FER: variants seen among roughly 807,000 people sequenced by gnomAD.
FER encodes FER tyrosine kinase.
FER carries 63 observed loss-of-function variants against 111.0 expected under a neutral mutation model. The observed-to-expected ratio is 0.57, with a 90% CI of 0.46 to 0.70. The LOEUF is 0.70. FER is among the 30% of genes least tolerant of loss of function. FER has a pLI of 0.00. For missense variants in FER, 914 were observed against 954.0 expected (o/e 0.96, Z 0.55); for synonymous variants, 327 against 313.9 (o/e 1.04, Z -0.44).
chr5:109,097,922 G>A (rs990236305), intron 16 of FER, among the ~76,000 whole-genome samples: 3 of 151,760 alleles, frequency 2.0e-5, no homozygotes, highest in Non-Finnish European at 4.4e-5. Context: ...CTTGTGGAAT[G>A]GTGGAATTGT....
chr5:108,753,955 T>C (rs1473028676), intron 1 of FER, among the ~76,000 whole-genome samples: 2 of 152,182 alleles, frequency 1.3e-5, no homozygotes, highest in East Asian at 3.8e-4. Flanking sequence ...GTACAAGATA[T>C]TTACATGTAT....
intron 9 of FER, among the ~76,000 whole-genome samples, chr5:108,894,122 A>T (rs373746775): frequency 5.3e-5 from 8 of 152,026 alleles, no homozygotes; most frequent in African/African-American, 1.9e-4. Flanking sequence ...GGTGCTGGGG[A>T]CTGGAAGGCT....
chr5:109,137,160 A>C (rs541729452), intron 17 of FER, among the ~76,000 whole-genome samples: 1 of 152,178 alleles, frequency 6.6e-6, no homozygotes, highest in East Asian at 1.9e-4. Context: ...GGAAAGGGGG[A>C]GATGAAGGAA....
intron 13 of FER, among the ~76,000 whole-genome samples, chr5:108,975,052 C>T (rs1761153672): frequency 6.6e-6 from 1 of 152,078 alleles, no homozygotes; most frequent in South Asian, 2.1e-4. Flanking sequence ...CACATATATA[C>T]CATGGAATAC....
rs1765992983 is a variant in FER, at chr5:109,009,688, A to G, written c.1657-27734A>G. 5.9e-5 allele frequency among the ~76,000 whole-genome samples: 9 copies of G among 152,210 alleles called. 1 individual carries two copies. Among genetic ancestry groups the G allele is most frequent in the Admixed American group, 5.2e-4 (8 of 15,288 alleles). On this transcript the variant is annotated intron_variant, in intron 13 of 19. Transcript: ENST00000281092. ...TGTATAAGCCACCACCCAAAAATAT[A>G]GTGTCTTAAAAAATAATGTTTTATG...
intron 13 of FER, among the ~76,000 whole-genome samples, chr5:108,992,991 A>G (rs1338473396): frequency 7.2e-6 from 1 of 139,382 alleles, no homozygotes; most frequent in Admixed American, 7.1e-5. Context: ...GGCGGCCGGG[A>G]AGAGGCGCTC....
chr5:108,992,753 C>G (rs1279804133), intron 13 of FER, among the ~76,000 whole-genome samples: 3 of 151,240 alleles, frequency 2.0e-5, no homozygotes, highest in Non-Finnish European at 4.4e-5. Flanking sequence ...GGGGTGGCTG[C>G]CGGGCGGAGG....
At position 109,059,360 on chromosome 5, in the gene FER, T is replaced by TA. The variant is rs569822598; in HGVS notation, c.1924+12180dup. Among the ~76,000 whole-genome samples, 904 of 136,298 alleles carry TA rather than the reference T, an allele frequency of 6.6e-3. 3 individuals are homozygous for TA. Among genetic ancestry groups the TA allele is most frequent in the African/African-American group, 0.011 (422 of 37,694 alleles). 89.4% of individuals were successfully genotyped at this position (136,298 alleles called of 152,430 possible). On this transcript the variant is annotated intron_variant, in intron 16 of 19. Coordinates refer to ENST00000281092, the MANE Select transcript of FER (RefSeq NM_005246.4). ...CAACATGGTGAAACCCTGCCTCTACTAAAAAAAAAAAAAAAAAATTAGCTG... is the reference window on the plus strand; with the variant it reads ...CAACATGGTGAAACCCTGCCTCTACTAAAAAAAAAAAAAAAAAAATTAGCTG...
chr5:108,918,597 C>G (rs1752584237), intron 10 of FER, among the ~76,000 whole-genome samples: 1 of 151,856 alleles, frequency 6.6e-6, no homozygotes, highest in African/African-American at 2.4e-5. Context: ...CACCATTCTC[C>G]TGCCTCAGCC....
chr5:109,078,147 T>C (rs1202785797), intron 16 of FER, among the ~76,000 whole-genome samples: 4 of 152,148 alleles, frequency 2.6e-5, no homozygotes, highest in Non-Finnish European at 5.9e-5. Flanking sequence ...ACACCTATAG[T>C]GTAAGAATAC....
chr5:109,187,324 AT>A, intron 19 of FER, 108 bp from the exon 20 acceptor site: 1 of 1,140,586 alleles, frequency 8.8e-7, no homozygotes, highest in Non-Finnish European at 1.2e-6. Context: ...TTGTTTCCAT[AT>A]AACTACAACA....
At chr5:108,940,953 G>A (rs897900325) in intron 10 of FER, among the ~76,000 whole-genome samples, 1 of 152,028 alleles carries the variant, frequency 6.6e-6, no homozygotes, top group Admixed American at 6.6e-5. Context: ...TAGGGCAATG[G>A]CCCTTCAAAG....
chr5:109,086,482 AAAC>A (rs1222203213), intron 16 of FER, among the ~76,000 whole-genome samples: 1 of 151,636 alleles, frequency 6.6e-6, no homozygotes, highest in Non-Finnish European at 1.5e-5. Context: ...TTAATCTATT[AAAC>A]AACTTTTAGC....
chr5:109,194,216 C>G lies in FER; in HGVS notation c.*6641C>G, dbSNP rs913099120. On this transcript the variant is annotated 3_prime_UTR_variant, in exon 20 of 20. Transcript: ENST00000281092. Reference sequence around the variant, plus strand: ...CATTCCACTGTTCTATTGCCAATACCTTTTGTTGTTTTCTTCACACTCCTC... The same window carrying G: ...CATTCCACTGTTCTATTGCCAATACGTTTTGTTGTTTTCTTCACACTCCTC... 6.6e-6 allele frequency: 1 copy of G among 152,148 alleles called. No individual in the cohort carries two copies. The highest frequency in any genetic ancestry group is 2.4e-5 in the African/African-American group (1 of 41,440). 9.4% of individuals were successfully genotyped at this position (152,148 alleles called of 1,614,324 possible).
chr5:109,186,163 G>A, intron 18 of FER, 37 bp from the exon 19 acceptor site: 1 of 1,613,984 alleles, frequency 6.2e-7, no homozygotes, highest in Non-Finnish European at 8.5e-7. Context: ...CTTGTCTACT[G>A]TGCCTCATGT....
chr5:108,749,361 A>T (rs1207020571), intron 1 of FER, among the ~76,000 whole-genome samples: 2 of 149,420 alleles, frequency 1.3e-5, no homozygotes, highest in Admixed American at 6.6e-5. Flanking sequence ...TGGCGGGCGT[A>T]GTGGCTCCGC....
At chr5:108,869,551 C>T (rs193133987) in intron 6 of FER, among the ~76,000 whole-genome samples, 48 of 151,998 alleles carry the variant, frequency 3.2e-4, no homozygotes, top group Admixed American at 1.8e-3. Flanking sequence ...TATAAGAAGA[C>T]GGGAGGAAGG....
intron 8 of FER, among the ~76,000 whole-genome samples, chr5:108,873,816 A>G (rs1764841174): frequency 6.6e-6 from 1 of 152,200 alleles, no homozygotes; most frequent in South Asian, 2.1e-4. Context: ...CCTACAGTGC[A>G]CAGGACAGCC....
At chr5:108,856,167 A>G in intron 5 of FER, among the ~76,000 whole-genome samples, 1 of 152,152 alleles carries the variant, frequency 6.6e-6, no homozygotes, top group East Asian at 1.9e-4. Flanking sequence ...GGAGAGATGG[A>G]GAGATATAAA....
Sources: allele counts gnomAD v4.1 joint callset (sites outside exome capture counted in the v4.1 genomes callset), GRCh38; gene constraint gnomAD v4.1.1; transcripts MANE v1.5; gene names NCBI Gene and HGNC (gene_info 2026-07-23, HGNC 2026-07-21).